Variants in CLVS1 observed in about 807,000 individuals in gnomAD.
The protein encoded by CLVS1 is clavesin-1.
In CLVS1, 10 loss-of-function variants were observed where a neutral mutation model predicts 33.1. The ratio of observed to expected loss-of-function variants is 0.30; its 90% CI spans 0.19 to 0.51. CLVS1 has a LOEUF of 0.51. Ranked by LOEUF, CLVS1 falls within the 20% of genes least tolerant of loss-of-function variation. CLVS1 has a pLI of 0.97. For synonymous variants in CLVS1, 163 were observed against 166.1 expected (o/e 0.98, Z 0.14); for missense variants, 343 against 433.4 (o/e 0.79, Z 1.85).
At chr8:61,125,289 C>A (rs1805948545) in intron 1 of CLVS1, among the ~76,000 whole-genome samples, 1 of 152,130 alleles carries the variant, frequency 6.6e-6, no homozygotes. Flanking sequence ...CTCCATGGCG[C>A]AGCAGTGCTC....
chr8:61,272,218 G>T (rs1310712396), intron 2 of CLVS1, among the ~76,000 whole-genome samples: 2 of 151,892 alleles, frequency 1.3e-5, no homozygotes, highest in African/African-American at 4.8e-5. Context: ...GCATTTGCTT[G>T]TCTGTAAAGG....
intron 3 of CLVS1, among the ~76,000 whole-genome samples, chr8:61,405,613 A>G (rs1029889318): frequency 3.3e-5 from 5 of 152,136 alleles, no homozygotes; most frequent in Admixed American, 1.3e-4. Flanking sequence ...TCTACAAAAC[A>G]TAATAAATAA....
intron 2 of CLVS1, among the ~76,000 whole-genome samples, chr8:61,267,964 A>G (rs557791624): frequency 2.6e-5 from 4 of 152,122 alleles, no homozygotes; most frequent in Non-Finnish European, 5.9e-5. Context: ...AGAGGAGGAG[A>G]CTTTGCCATT....
intron 2 of CLVS1, among the ~76,000 whole-genome samples, chr8:61,358,649 A>C (rs980697585): frequency 2.6e-5 from 4 of 152,240 alleles, no homozygotes; most frequent in Non-Finnish European, 5.9e-5. Flanking sequence ...GGAACAGAGG[A>C]TTGAGAACCC....
At chr8:61,014,194 TAAAGTA>T in the CLVS1 span, among the ~76,000 whole-genome samples, 1 of 151,934 alleles carries the variant, frequency 6.6e-6, no homozygotes, top group African/African-American at 2.4e-5. Context: ...ATCACTTGGT[TAAAGTA>T]AATCAGTGTT....
intron 3 of CLVS1, among the ~76,000 whole-genome samples, chr8:61,398,097 C>A (rs960194743): frequency 9.9e-5 from 15 of 151,906 alleles, no homozygotes; most frequent in Non-Finnish European, 2.9e-5. Flanking sequence ...GGGAGTACTG[C>A]CATCTTAATA....
the CLVS1 span, among the ~76,000 whole-genome samples, chr8:61,006,360 T>C: frequency 1.1e-4 from 16 of 152,200 alleles, no homozygotes; most frequent in Non-Finnish European, 2.1e-4. Flanking sequence ...GGCCTCTCCT[T>C]GCCATTGAAA....
At chr8:61,222,098 A>T (rs754827144) in intron 2 of CLVS1, among the ~76,000 whole-genome samples, 13 of 151,680 alleles carry the variant, frequency 8.6e-5, no homozygotes, top group Non-Finnish European at 1.3e-4. Flanking sequence ...CTAGCTAATG[A>T]TCTATCTATT....
intron 2 of CLVS1, among the ~76,000 whole-genome samples, chr8:61,173,870 A>C (rs1016555025): frequency 6.6e-6 from 1 of 152,228 alleles, no homozygotes; most frequent in African/African-American, 2.4e-5. Context: ...AACCAACTGA[A>C]AGGATTAGAG....
chr8:61,073,472 T>C (rs905082929), intron 1 of CLVS1, among the ~76,000 whole-genome samples: 1 of 152,218 alleles, frequency 6.6e-6, no homozygotes, highest in Non-Finnish European at 1.5e-5. Flanking sequence ...ATGAGACTTG[T>C]CTCTTCGAAA....
chr8:61,081,923 A>C (rs571447726), intron 1 of CLVS1, among the ~76,000 whole-genome samples: 1 of 152,252 alleles, frequency 6.6e-6, no homozygotes, highest in Non-Finnish European at 1.5e-5. Context: ...ATAAAAAATT[A>C]CAAGTCATAC....
intron 5 of CLVS1, among the ~76,000 whole-genome samples, chr8:61,495,131 G>A (rs1366324994): frequency 1.3e-5 from 2 of 152,158 alleles, no homozygotes; most frequent in Non-Finnish European, 2.9e-5. Flanking sequence ...TGTGGAGGGG[G>A]AAGTGAAAGT....
chr8:61,333,635 C>T (rs1003823189), intron 2 of CLVS1, among the ~76,000 whole-genome samples: 8 of 152,126 alleles, frequency 5.3e-5, no homozygotes, highest in Non-Finnish European at 8.8e-5. Context: ...CAGGAAATGT[C>T]GCAATGGGGA....
intron 2 of CLVS1, among the ~76,000 whole-genome samples, chr8:61,358,476 A>G (rs1355615250): frequency 6.6e-6 from 1 of 152,168 alleles, no homozygotes; most frequent in African/African-American, 2.4e-5. Flanking sequence ...CCCAATCAGT[A>G]TGTCTTATCC....
At chr8:61,484,582 G>T (rs1051164842) in intron 5 of CLVS1, among the ~76,000 whole-genome samples, 9 of 152,182 alleles carry the variant, frequency 5.9e-5, no homozygotes, top group African/African-American at 2.2e-4. Context: ...TCACAGAATT[G>T]GAAAAAACTA....
chr8:61,350,792 A>G (rs1201254201), intron 2 of CLVS1, among the ~76,000 whole-genome samples: 1 of 152,154 alleles, frequency 6.6e-6, no homozygotes, highest in Non-Finnish European at 1.5e-5. Context: ...GCACGGCAGC[A>G]GCAACAGAGA....
At chr8:61,167,889 G>C (rs569638569) in intron 2 of CLVS1, among the ~76,000 whole-genome samples, 2 of 152,198 alleles carry the variant, frequency 1.3e-5, no homozygotes, top group South Asian at 2.1e-4. Flanking sequence ...ATCCTATATA[G>C]TCTAAAAAGG....
intron 3 of CLVS1, among the ~76,000 whole-genome samples, chr8:61,398,079 C>A (rs559463876): frequency 6.6e-6 from 1 of 152,036 alleles, no homozygotes; most frequent in African/African-American, 2.4e-5. Flanking sequence ...ACTCTCTAGA[C>A]CTACTTGGGG....
At chr8:61,007,380 T>A in the CLVS1 span, among the ~76,000 whole-genome samples, 1 of 152,072 alleles carries the variant, frequency 6.6e-6, no homozygotes, top group Non-Finnish European at 1.5e-5. Flanking sequence ...TGTGGGAGGG[T>A]GGATTCTAAT....
Sources: allele counts gnomAD v4.1 joint callset (sites outside exome capture counted in the v4.1 genomes callset), GRCh38; gene constraint gnomAD v4.1.1; transcripts MANE v1.5; gene names NCBI Gene and HGNC (gene_info 2026-07-23, HGNC 2026-07-21).